The following COMMD10 variants were observed in gnomAD, a reference collection of about 807,000 sequenced individuals.
COMMD10 encodes COMM domain containing 10.
A neutral mutation model predicts 28.9 loss-of-function variants in COMMD10; 33 were observed. The observed-to-expected ratio is 1.14, with a 90% CI of 0.87 to 1.53. The LOEUF is 1.53. Ranked by LOEUF, COMMD10 falls within the 40% of genes most tolerant of loss-of-function variation. The pLI, the probability that COMMD10 is intolerant of heterozygous loss-of-function variation, is 0.00. For missense variants in COMMD10, 310 were observed against 233.4 expected, an observed-to-expected ratio of 1.33 and a Z score of -2.14; for synonymous variants, 110 against 81.7, an observed-to-expected ratio of 1.35 and a Z score of -1.87.
chr5:116,159,786 GA>G (rs1007706546), intron 5 of COMMD10, among the ~76,000 whole-genome samples: 1 of 152,026 alleles, frequency 6.6e-6, no homozygotes, highest in East Asian at 1.9e-4. Flanking sequence ...AAAAGTAAGT[GA>G]AAAAAGGAAT....
At position 116,121,163 on chromosome 5, in the gene COMMD10, G is replaced by A. The variant is rs145439614; in HGVS notation, c.400-12905G>A. Among the ~76,000 whole-genome samples, 453 of 152,038 alleles carry A rather than the reference G, an allele frequency of 3.0e-3. 5 individuals are homozygous for A. The highest frequency in any genetic ancestry group is 0.01 in the African/African-American group (435 of 41,442). The stretch of plus-strand genomic sequence containing the variant: ...CCACCACATGACAGGCCCCGTGTGT[G>A]ATGTTCCCCTTCCTCTGTCCAAGTG... On this transcript the variant is annotated intron_variant, in intron 4 of 6. Transcript: ENST00000274458.
intron 4 of COMMD10, among the ~76,000 whole-genome samples, chr5:116,098,919 A>T (rs1230319949): frequency 6.6e-6 from 1 of 152,206 alleles, no homozygotes; most frequent in South Asian, 2.1e-4. Context: ...CCATAATCAA[A>T]TTAATCAACA....
At chr5:116,156,732 CTT>C (rs914221666) in intron 5 of COMMD10, among the ~76,000 whole-genome samples, 10 of 152,030 alleles carry the variant, frequency 6.6e-5, no homozygotes, top group African/African-American at 2.4e-4. Flanking sequence ...CTTTATAATT[CTT>C]TTAGAGACAT....
intron 5 of COMMD10, among the ~76,000 whole-genome samples, chr5:116,161,105 A>G (rs900300160): frequency 3.9e-5 from 6 of 152,086 alleles, no homozygotes; most frequent in African/African-American, 1.4e-4. Flanking sequence ...TGTTTTTGGT[A>G]TATGTGTATG....
chr5:116,269,718 A>C (rs1412873960), intron 5 of COMMD10, among the ~76,000 whole-genome samples: 1 of 151,838 alleles, frequency 6.6e-6, no homozygotes, highest in African/African-American at 2.4e-5. Context: ...GCACAAAAGA[A>C]AGTATTGATT....
At chr5:116,135,703 AGTGCC>A (rs1752006132) in intron 5 of COMMD10, among the ~76,000 whole-genome samples, 2 of 152,204 alleles carry the variant, frequency 1.3e-5, no homozygotes, top group African/African-American at 4.8e-5. Context: ...AATCTCTTAC[AGTGCC>A]TAATTTATAA....
chr5:116,284,576 T>C (rs1751169194), intron 5 of COMMD10, among the ~76,000 whole-genome samples: 1 of 151,886 alleles, frequency 6.6e-6, no homozygotes, highest in African/African-American at 2.4e-5. Context: ...CAAATTCCAT[T>C]ATCTAATGAC....
At chr5:116,277,776 G>A (rs1238406658) in intron 5 of COMMD10, among the ~76,000 whole-genome samples, 2 of 151,802 alleles carry the variant, frequency 1.3e-5, no homozygotes, top group East Asian at 3.9e-4. Context: ...AGACTTACGT[G>A]ACAGCACAAG....
chr5:116,133,683 C>A (rs1365119179), intron 4 of COMMD10, among the ~76,000 whole-genome samples: 1 of 152,108 alleles, frequency 6.6e-6, no homozygotes, highest in African/African-American at 2.4e-5. Context: ...CCAATTTATG[C>A]AATTTACTAG....
chr5:116,153,200 G>C (rs1752594700), intron 5 of COMMD10, among the ~76,000 whole-genome samples: 1 of 152,072 alleles, frequency 6.6e-6, no homozygotes, highest in African/African-American at 2.4e-5. Context: ...TACAGGATAA[G>C]TTTAAAAATA....
intron 5 of COMMD10, among the ~76,000 whole-genome samples, chr5:116,178,063 C>T (rs1177998350): frequency 6.6e-6 from 1 of 152,004 alleles, no homozygotes; most frequent in African/African-American, 2.4e-5. Flanking sequence ...TTTGTGTTTT[C>T]TGCCTGTAAA....
chr5:116,135,607 C>T (rs1289131176), intron 5 of COMMD10, among the ~76,000 whole-genome samples: 1 of 152,154 alleles, frequency 6.6e-6, no homozygotes, highest in East Asian at 1.9e-4. Context: ...GAGTACAGTA[C>T]AGTAAGATGA....
chr5:116,096,413 A>G (rs1019245736), intron 4 of COMMD10, among the ~76,000 whole-genome samples: 24 of 151,934 alleles, frequency 1.6e-4, no homozygotes, highest in African/African-American at 5.5e-4. Flanking sequence ...GTATATGGAA[A>G]TACAGTAGAC....
At chr5:116,271,172 C>G (rs1437424608) in intron 5 of COMMD10, among the ~76,000 whole-genome samples, 1 of 149,274 alleles carries the variant, frequency 6.7e-6, no homozygotes, top group Non-Finnish European at 1.5e-5. Flanking sequence ...TTAAAGAGTA[C>G]TCTCTGTACA....
chr5:116,143,462 A>G (rs1168596782), intron 5 of COMMD10, among the ~76,000 whole-genome samples: 1 of 151,808 alleles, frequency 6.6e-6, no homozygotes, highest in East Asian at 1.9e-4. Context: ...TTGTTTTACT[A>G]AAATTCTTTT....
chr5:116,241,877 A>G (rs1284631711), intron 5 of COMMD10, among the ~76,000 whole-genome samples: 1 of 151,714 alleles, frequency 6.6e-6, no homozygotes, highest in Non-Finnish European at 1.5e-5. Context: ...TCGGCCTCCC[A>G]AAGTGCTGGG....
At chr5:116,202,080 C>G (rs961402824) in intron 5 of COMMD10, among the ~76,000 whole-genome samples, 3 of 143,310 alleles carry the variant, frequency 2.1e-5, no homozygotes, top group Non-Finnish European at 3.0e-5. Flanking sequence ...TGTTCCCCTT[C>G]CTGTGTCCAT....
intron 5 of COMMD10, among the ~76,000 whole-genome samples, chr5:116,184,177 G>A (rs1748065264): frequency 6.6e-6 from 1 of 150,974 alleles, no homozygotes; most frequent in African/African-American, 2.4e-5. Context: ...ATAACACGTA[G>A]AAAAAGGACA....
intron 5 of COMMD10, among the ~76,000 whole-genome samples, chr5:116,166,522 C>T (rs1299594784): frequency 6.6e-6 from 1 of 152,202 alleles, no homozygotes; most frequent in Non-Finnish European, 1.5e-5. Flanking sequence ...TCAAGTGGGT[C>T]CCCGGCCCCC....
Sources: gnomAD v4.1 joint callset for allele counts (sites outside exome capture counted in the v4.1 genomes callset) on GRCh38, gnomAD v4.1.1 for gene constraint, MANE v1.5 for transcripts, NCBI Gene and HGNC (gene_info 2026-07-23, HGNC 2026-07-21) for gene names.